Variants in ABCA10 observed in about 807,000 individuals in gnomAD.
The protein encoded by ABCA10 is ATP binding cassette subfamily A member 10, also known as ATP-binding cassette sub-family A member 10.
A neutral mutation model predicts 187.5 loss-of-function variants in ABCA10; 169 were observed. That is an observed-to-expected ratio of 0.90 (90% confidence interval 0.80 to 1.02). ABCA10 has a LOEUF of 1.02. ABCA10 is among the 50% of genes least tolerant of loss of function. The pLI is 0.00. For synonymous variants in ABCA10, 574 were observed against 601.8 expected (o/e 0.95, Z 0.68); for missense variants, 1,727 against 1,812.4 (o/e 0.95, Z 0.86).
chr17:69,190,634 CTT>C (rs1233606612), intron 17 of ABCA10, among the ~76,000 whole-genome samples, 157 bp from the exon 18 acceptor site: 1 of 152,034 alleles, frequency 6.6e-6, no homozygotes, highest in Non-Finnish European at 1.5e-5. Flanking sequence ...AAGATATTCT[CTT>C]GTCATTCAAA....
At chr17:69,217,008 A>G (rs2074711199) in intron 6 of ABCA10, among the ~76,000 whole-genome samples, 2 of 152,154 alleles carry the variant, frequency 1.3e-5, no homozygotes, top group Non-Finnish European at 2.9e-5. Context: ...GCACTTTGGG[A>G]GGTTGAGGCA....
At chr17:69,176,540 C>T (rs538306909) in intron 22 of ABCA10, among the ~76,000 whole-genome samples, 2 of 151,916 alleles carry the variant, frequency 1.3e-5, no homozygotes, top group East Asian at 1.9e-4. Flanking sequence ...GTGGGAAGAA[C>T]CAGATTACCA....
chr17:69,179,112 G>A (rs890872895), intron 22 of ABCA10: 1 of 151,374 alleles, frequency 6.6e-6, no homozygotes, highest in African/African-American at 2.4e-5. Flanking sequence ...AACCCAGGAG[G>A]CGGAGGTTGC....
intron 10 of ABCA10, among the ~76,000 whole-genome samples, chr17:69,197,774 G>A (rs184211143): frequency 5.1e-4 from 77 of 151,868 alleles, no homozygotes; most frequent in Middle Eastern, 6.8e-3. Context: ...CCGTTTTGGC[G>A]TACTTTATGG....
intron 29 of ABCA10, among the ~76,000 whole-genome samples, chr17:69,155,377 A>G (rs1370049919): frequency 6.6e-6 from 1 of 152,230 alleles, no homozygotes; most frequent in Non-Finnish European, 1.5e-5. Context: ...GCTAGCAGCT[A>G]TCTTTGCCCT....
At chr17:69,192,724 A>G (rs2074470235) in intron 15 of ABCA10, 71 bp from the exon 16 acceptor site, 2 of 1,280,490 alleles carry the variant, frequency 1.6e-6, no homozygotes, top group Middle Eastern at 1.9e-4. Context: ...TCTACTTTGG[A>G]TACTAAAACA....
At chr17:69,194,308 G>T in intron 12 of ABCA10, 77 bp downstream of exon 12, 1 of 1,246,996 alleles carries the variant, frequency 8.0e-7, no homozygotes, top group Non-Finnish European at 1.2e-6. Context: ...CCAATTTAGA[G>T]AAACATTTTT....
At chr17:69,209,739 T>G (rs892624558) in intron 9 of ABCA10, among the ~76,000 whole-genome samples, 16 of 152,192 alleles carry the variant, frequency 1.1e-4, no homozygotes, top group African/African-American at 3.9e-4. Context: ...TTTGTCATTG[T>G]GCACTCTACA....
At chr17:69,215,665 CT>C (rs1348830971) in intron 8 of ABCA10, 149 bp downstream of exon 8, 6 of 746,672 alleles carry the variant, frequency 8.0e-6, no homozygotes, top group Admixed American at 4.2e-5. Context: ...TTTGATAAAA[CT>C]TTTTTGTTGT....
intron 8 of ABCA10, chr17:69,215,586 A>G: frequency 2.6e-6 from 1 of 385,262 alleles, no homozygotes; most frequent in Non-Finnish European, 4.5e-6. Flanking sequence ...TGGTCAGATA[A>G]TGGGCAATTA....
chr17:69,202,797 AATACAAGT>A (rs1335826289), intron 9 of ABCA10, among the ~76,000 whole-genome samples: 2 of 152,188 alleles, frequency 1.3e-5, no homozygotes, highest in Admixed American at 1.3e-4. Flanking sequence ...TAGAGTAGAG[AATACAAGT>A]GCAGATCTAA....
intron 9 of ABCA10, among the ~76,000 whole-genome samples, chr17:69,209,326 ATT>A (rs2074617819): frequency 2.8e-5 from 1 of 35,448 alleles, no homozygotes; most frequent in Non-Finnish European, 1.3e-4. Flanking sequence ...TAATTAGAGA[ATT>A]CAATTCATTT....
intron 27 of ABCA10, among the ~76,000 whole-genome samples, chr17:69,162,978 C>T (rs886299530): frequency 1.3e-5 from 2 of 151,926 alleles, no homozygotes; most frequent in African/African-American, 2.4e-5. Context: ...GCTGGAATTA[C>T]AGGCACATGC....
intron 9 of ABCA10, among the ~76,000 whole-genome samples, chr17:69,208,473 C>G (rs1352096228): frequency 1.7e-4 from 23 of 138,628 alleles, no homozygotes; most frequent in Admixed American, 1.6e-3. Context: ...ATGTTTACTA[C>G]AGAAAACCAA....
At chr17:69,165,139 A>G in intron 25 of ABCA10, 56 bp from the exon 26 acceptor site, 3 of 1,374,948 alleles carry the variant, frequency 2.2e-6, no homozygotes, top group Non-Finnish European at 1.0e-6. Flanking sequence ...ATATCTTAAG[A>G]TATTTCCTGT....
rs552435453 is a variant in ABCA10, at chr17:69,153,608, T to C, written c.3966-62A>G. The stretch of plus-strand genomic sequence containing the variant: ...GGCAAATGGACCTATCTAAAACAAC[T>C]GTAGGAAACTCTAAGCACTATTATT... On this transcript the variant is annotated intron_variant, in intron 32 of 38. Transcript: ENST00000690296. The C allele has an allele frequency of 4.4e-6, 7 of 1,580,724 alleles. No homozygotes were observed. The African/African-American group carries it at 5.4e-5, about 12-fold the overall frequency.
chr17:69,168,655 C>T (rs1000480308), intron 25 of ABCA10, among the ~76,000 whole-genome samples: 1 of 152,200 alleles, frequency 6.6e-6, no homozygotes, highest in African/African-American at 2.4e-5. Context: ...GGCTCTGTCT[C>T]CCAACCAAAT....
At chr17:69,163,141 T>A (rs2144765085) in intron 27 of ABCA10, among the ~76,000 whole-genome samples, 1 of 152,106 alleles carries the variant, frequency 6.6e-6, no homozygotes, top group East Asian at 1.9e-4. Flanking sequence ...CTGGCCAAAA[T>A]TTATATTTTT....
At chr17:69,214,903 A>C in intron 8 of ABCA10, 52 bp from the exon 9 acceptor site, 1 of 1,352,594 alleles carries the variant, frequency 7.4e-7, no homozygotes, top group Non-Finnish European at 9.9e-7. Context: ...AAAACTAAAT[A>C]AAACAATTTT....
Sources: allele counts gnomAD v4.1 joint callset (sites outside exome capture counted in the v4.1 genomes callset), GRCh38; gene constraint gnomAD v4.1.1; transcripts MANE v1.5; gene names NCBI Gene and HGNC (gene_info 2026-07-23, HGNC 2026-07-21).